The following PLXNB2 variants were observed in gnomAD, a reference collection of about 807,000 sequenced individuals.
PLXNB2 encodes the protein plexin-B2.
In PLXNB2, 85 loss-of-function variants were observed where a neutral mutation model predicts 202.6. The ratio of observed to expected loss-of-function variants is 0.42; its 90% CI spans 0.35 to 0.50. The LOEUF is 0.50. Among genes scored for constraint, PLXNB2 ranks in the 20% least tolerant of loss-of-function variants. The pLI, the probability that PLXNB2 is intolerant of heterozygous loss-of-function variation, is 0.02. For synonymous variants in PLXNB2, 1,239 were observed against 1,137.6 expected, an observed-to-expected ratio of 1.09 and a Z score of -1.79; for missense variants, 2,063 against 2,586.2, an observed-to-expected ratio of 0.80 and a Z score of 4.39.
rs2066414848 is a variant in PLXNB2, at chr22:50,285,819, T to C, written c.2069A>G (p.Lys690Arg). The C allele has an allele frequency of 1.2e-6, 2 of 1,611,644 alleles. No individual in the cohort carries two copies. The highest frequency in any genetic ancestry group is 1.3e-5 in the African/African-American group (1 of 74,740). ...NHETDVNFQG[K>R]NLDTVKGSSL... Reference sequence around the variant, plus strand: ...CCGCACCTTCACGGTGTCCAGGTTCTTGCCCTGGAAGTTCACATCTGTCTC... The same window carrying C: ...CCGCACCTTCACGGTGTCCAGGTTCCTGCCCTGGAAGTTCACATCTGTCTC... Residue 690 changes from lysine to arginine, a missense_variant, in exon 11 of 37, where the codon AAG becomes AGG. Coordinates refer to ENST00000359337, the MANE Select transcript of PLXNB2 (RefSeq NM_012401.4).
At chr22:50,299,584 ACAAGCG>A (rs2067533664) in intron 1 of PLXNB2, among the ~76,000 whole-genome samples, 1 of 151,932 alleles carries the variant, frequency 6.6e-6, no homozygotes, top group African/African-American at 2.4e-5. Flanking sequence ...TGTTTTCAAA[ACAAGCG>A]CGAGGGGGGT....
At position 50,281,439 on chromosome 22, in the gene PLXNB2, C is replaced by T. The variant is rs763625119; in HGVS notation, c.3583G>A (p.Asp1195Asn). ...GGCAAGATGAGGCTGAGCGGCACGT[C>T]GCTCACCCGTGTGTCGTACTCCACG... ...GRVEYDTRVS[D>N]VPLSLILPLV... Residue 1195 changes from aspartate to asparagine, a missense_variant, in exon 22 of 37, where the codon GAC becomes AAC. Asp to Asn is a conservative substitution (Grantham distance 23). This residue lies in a region of PLXNB2 where 760 missense variants were observed against 1,109.4 expected (regional missense o/e 0.69). Coordinates refer to ENST00000359337, the MANE Select transcript of PLXNB2 (RefSeq NM_012401.4). 9.3e-6 allele frequency: 15 copies of T among 1,612,290 alleles called. No individual in the cohort carries two copies. The highest frequency in any genetic ancestry group is 1.3e-5 in the African/African-American group (1 of 74,892).
rs1382328512 is a variant in PLXNB2, at chr22:50,297,087, G to A, written c.-73-2309C>T. Among the ~76,000 whole-genome samples, 3 of 152,178 alleles carry A rather than the reference G, an allele frequency of 2.0e-5. No individual in the cohort carries two copies. The highest frequency in any genetic ancestry group is 4.4e-5 in the Non-Finnish European group (3 of 68,036). The stretch of plus-strand genomic sequence containing the variant: ...GGCAAACTCAGGAGCCAAAGCACAG[G>A]GCAGCACCGGGTCTCCTGAGAAAGC... On this transcript the variant is annotated intron_variant, in intron 1 of 36. Coordinates refer to ENST00000359337, the MANE Select transcript of PLXNB2 (RefSeq NM_012401.4). This position sits in a 1 kb window ranked among gnomAD's most constrained non-coding sequence, Gnocchi z 5.3.
intron 11 of PLXNB2, chr22:50,285,001 C>G (rs1037010703): frequency 2.2e-6 from 1 of 455,044 alleles, no homozygotes; most frequent in African/African-American, 2.0e-5. Flanking sequence ...CTCCACACGC[C>G]TGCCTCCTCC....
Position 50,280,081 on chromosome 22 carries a change from C to T in PLXNB2, c.4176-10G>A. On this transcript the variant is annotated splice_polypyrimidine_tract_variant and intron_variant, in intron 25 of 36. Coordinates refer to ENST00000359337, the MANE Select transcript of PLXNB2 (RefSeq NM_012401.4). ...CACCACAGTCTCAGACCTGGGGGTG[C>T]AGGGAGGCCTTGTACCGAGTGACCC... The T allele has an allele frequency of 6.3e-7, 1 of 1,598,094 alleles. No individual in the cohort carries two copies. The highest frequency in any genetic ancestry group is 8.5e-7 in the Non-Finnish European group (1 of 1,172,376).
intron 1 of PLXNB2, among the ~76,000 whole-genome samples, chr22:50,298,787 A>C (rs2067459334): frequency 2.0e-5 from 3 of 152,210 alleles, no homozygotes; most frequent in Non-Finnish European, 4.4e-5. Flanking sequence ...CTGGGACTAC[A>C]GGTGCACGCC....
Position 50,279,019 on chromosome 22 carries a change from G to A in PLXNB2, c.4390-8C>T, listed in dbSNP as rs2065804623. 1 of 1,597,300 alleles carries A rather than the reference G, an allele frequency of 6.3e-7. No individual in the cohort carries two copies. The highest frequency in any genetic ancestry group is 1.7e-5 in the Admixed American group (1 of 59,156). ...CACGATCACGCTCACCGTCTGCCGA[G>A]ACATCCGGGATGAAGCCCAGTGGGA... On this transcript the variant is annotated splice_region_variant and splice_polypyrimidine_tract_variant and intron_variant, in intron 27 of 36. Transcript: ENST00000359337.
intron 35 of PLXNB2, among the ~76,000 whole-genome samples, chr22:50,276,351 A>T (rs4992600): frequency 0.37 from 3,452 of 9,242 alleles, 1 homozygote; most frequent in South Asian, 0.39. Flanking sequence ...GGCACGGCCG[A>T]GGGTGCAGCC....
intron 2 of PLXNB2, among the ~76,000 whole-genome samples, chr22:50,294,051 G>A (rs774451370): frequency 5.9e-5 from 9 of 152,216 alleles, no homozygotes; most frequent in Non-Finnish European, 1.0e-4. Flanking sequence ...AGGAGCAAAG[G>A]GCAACCCACC....
intron 2 of PLXNB2, 81 bp from the exon 3 acceptor site, chr22:50,290,678 G>A (rs1056332243): frequency 6.5e-6 from 9 of 1,391,112 alleles, no homozygotes; most frequent in Admixed American, 2.6e-5. Context: ...TGCCCCAAAC[G>A]TCAGAACATG....
rs372967126 is a variant in PLXNB2 at position 50,279,646 on chromosome 22, A to G, written c.4373T>C (p.Val1458Ala). Residue 1458 changes from valine (V) to alanine (A), a missense_variant, in exon 27 of 37, where the codon GTG (valine) becomes GCG (alanine). Physicochemically the swap from Val to Ala is moderately conservative, Grantham distance 64. Around this residue, in one of 2 missense-constraint regions of PLXNB2, gnomAD observed 760 missense variants for 1,109.4 expected, o/e 0.69. Transcript: ENST00000359337. The part of the protein sequence containing the change: ...LNDTGLLGDD[V>A]EYAPLTVSVI... ...GAAGCTCACCAGGGGTGCGTACTCC[A>G]CATCATCCCCCAGCAGCCCCGTGTC... 3.7e-6 allele frequency: 6 copies of G among 1,613,734 alleles called. No homozygotes were observed.
At position 50,287,186 on chromosome 22, in the gene PLXNB2, G is replaced by A. The variant is rs1284654575; in HGVS notation, c.1687C>T (p.His563Tyr). 8 of 1,548,548 alleles carry A rather than the reference G, an allele frequency of 5.2e-6. No individual in the cohort carries two copies. The highest frequency in any genetic ancestry group is 4.9e-5 in the East Asian group (2 of 40,856). Reference sequence around the variant, plus strand: ...GCCTCGCCCTCCACGCGGGCGGGGTGTGGCGGCGACTCCCCAAAAAGGCAC... The same window carrying A: ...GCCTCGCCCTCCACGCGGGCGGGGTATGGCGGCGACTCCCCAAAAAGGCAC... ...LLCLFGESPP[H>Y]PARVEGEAVI... The change falls in exon 8 of 37, where the codon CAC becomes TAC. Residue 563 changes from histidine (H) to tyrosine (Y), a missense_variant. Around this residue, in one of 2 missense-constraint regions of PLXNB2, gnomAD observed 1,303 missense variants for 1,476.8 expected, o/e 0.88. Coordinates refer to ENST00000359337, the MANE Select transcript of PLXNB2 (RefSeq NM_012401.4).
rs377754571 is a variant in PLXNB2, at chr22:50,290,017, G to A, written c.568C>T (p.Arg190Trp). Residue 190 changes from arginine (R) to tryptophan (W), a missense_variant, in exon 3 of 37, where the codon CGG becomes TGG. Transcript: ENST00000359337. The stretch of plus-strand genomic sequence containing the variant: ...TCAAAGGCCTCCCTGCTGTCAGTCC[G>A]GTCCAACAGCCGAGTGCTCACGATG... Reference protein sequence around the residue: ...GIIVSTRLLDRTDSREAFEAY... With the variant: ...GIIVSTRLLDWTDSREAFEAY... 15 of 1,613,274 alleles carry A rather than the reference G, an allele frequency of 9.3e-6. No individual in the cohort carries two copies. The highest frequency in any genetic ancestry group is 3.3e-5 in the Admixed American group (2 of 59,994).
intron 26 of PLXNB2, 77 bp downstream of exon 26, chr22:50,279,928 A>T: frequency 7.1e-6 from 10 of 1,414,068 alleles, no homozygotes; most frequent in Non-Finnish European, 8.9e-6. Context: ...GGTGCCGTAC[A>T]GATAGGGGAA....
chr22:50,305,601 G>C (rs927588975), intron 1 of PLXNB2, among the ~76,000 whole-genome samples: 5 of 152,226 alleles, frequency 3.3e-5, no homozygotes, highest in African/African-American at 1.2e-4. Flanking sequence ...CGTTAGTCAG[G>C]AGCTGAATAG....
intron 2 of PLXNB2, among the ~76,000 whole-genome samples, chr22:50,292,103 C>T (rs1031856315): frequency 3.3e-5 from 5 of 152,102 alleles, no homozygotes; most frequent in South Asian, 2.1e-4. Flanking sequence ...CTTGGGAGGC[C>T]GAGGCGGGCG....
chr22:50,291,975 GCCA>G lies in PLXNB2; in HGVS notation c.-13-1381_-13-1379del, dbSNP rs2066900436. Among the ~76,000 whole-genome samples, 1 of 152,212 alleles carries G rather than the reference GCCA, an allele frequency of 6.6e-6. No homozygotes were observed. The highest frequency in any genetic ancestry group is 1.5e-5 in the Non-Finnish European group (1 of 68,040). On this transcript the variant is annotated intron_variant, in intron 2 of 36. Transcript: ENST00000359337. This position sits in a 1 kb window ranked among gnomAD's most constrained non-coding sequence, Gnocchi z 4.3. ...CAGAGGGACTGCCACATCCTCTCAG[GCCA>G]CCACAAGTGTCACCTCCCTGCATAT... is the stretch of plus-strand genomic sequence containing the variant.
chr22:50,283,748 G>A lies in PLXNB2; in HGVS notation c.2424C>T (p.Ile808=). The A allele has an allele frequency of 6.2e-7, 1 of 1,613,136 alleles. No individual in the cohort carries two copies. The highest frequency in any genetic ancestry group is 8.5e-7 in the Non-Finnish European group (1 of 1,179,926). Residue 808 remains isoleucine, a splice_region_variant and synonymous_variant, in exon 15 of 37, where the codon ATC becomes ATT. Coordinates refer to ENST00000359337, the MANE Select transcript of PLXNB2 (RefSeq NM_012401.4). ...SECPPPVITR[I]QPETGPLGGG... ...CACCCAGGGGGCCCGTCTCAGGCTG[G>A]ATCTGAAACCACAGAGCCGGGTGAG...
At chr22:50,280,273 CTG>C (rs764612675) in intron 25 of PLXNB2, among the ~76,000 whole-genome samples, 21 of 152,222 alleles carry the variant, frequency 1.4e-4, no homozygotes, top group Non-Finnish European at 2.4e-4. Context: ...AGGGCTGACA[CTG>C]TGACCAGCTG....
Sources: gnomAD v4.1 joint callset for allele counts (sites outside exome capture counted in the v4.1 genomes callset) on GRCh38, gnomAD v4.1.1 for gene constraint, gnomAD v4.1.1 regional missense constraint, Gnocchi (gnomAD v3.1) non-coding constraint, MANE v1.5 for transcripts, NCBI Gene and HGNC (gene_info 2026-07-23, HGNC 2026-07-21) for gene names.